SDK1: variants seen among roughly 807,000 people sequenced by gnomAD.
The protein encoded by SDK1 is sidekick cell adhesion molecule 1, also known as protein sidekick-1.
In SDK1, 157 loss-of-function variants were observed where a neutral mutation model predicts 245.5. The ratio of observed to expected loss-of-function variants is 0.64; its 90% CI spans 0.56 to 0.73. The LOEUF (loss-of-function observed/expected upper bound fraction) is 0.73, where lower values mean the gene tolerates loss of function less well. Among genes scored for constraint, SDK1 ranks in the 30% least tolerant of loss-of-function variants. The pLI, the probability that SDK1 is intolerant of heterozygous loss-of-function variation, is 0.00. For synonymous variants in SDK1, 1,647 were observed against 1,278.5 expected, an observed-to-expected ratio of 1.29 and a Z score of -6.15; for missense variants, 3,583 against 3,002.3, an observed-to-expected ratio of 1.19 and a Z score of -4.52.
intron 5 of SDK1, among the ~76,000 whole-genome samples, chr7:3,866,855 G>A (rs1780834491): frequency 6.6e-6 from 1 of 152,176 alleles, no homozygotes; most frequent in Admixed American, 6.5e-5. Context: ...CCAGGCTGAA[G>A]AGTTTGACCT....
At chr7:4,203,105 A>G (rs534403795) in intron 35 of SDK1, among the ~76,000 whole-genome samples, 86 of 152,348 alleles carry the variant, frequency 5.6e-4, no homozygotes, top group Non-Finnish European at 1.1e-3. Context: ...TGCAGCCTCC[A>G]GCCCACCCCT....
chr7:3,753,373 G>A (rs1779829668), intron 4 of SDK1, among the ~76,000 whole-genome samples: 1 of 152,170 alleles, frequency 6.6e-6, no homozygotes, highest in Non-Finnish European at 1.5e-5. Flanking sequence ...ATGCAAGCAT[G>A]CAGGTTTCCT....
rs149166097 is a variant in SDK1, at chr7:4,056,369, C to T, written c.2911+4539C>T. On this transcript the variant is annotated intron_variant, in intron 19 of 44. Coordinates refer to ENST00000404826, the MANE Select transcript of SDK1 (RefSeq NM_152744.4). ...GCTTCAGGGGCCAGCTGACCACAGT[C>T]ACCTGGTACTGGCCTCCTTCATAAA... 2.0e-3 allele frequency among the ~76,000 whole-genome samples: 310 copies of T among 152,208 alleles called. 5 individuals carry two copies. In the South Asian group the frequency reaches 0.03, roughly 15 times the overall value.
At chr7:3,452,709 A>C (rs1466194754) in intron 1 of SDK1, among the ~76,000 whole-genome samples, 2 of 152,148 alleles carry the variant, frequency 1.3e-5, no homozygotes, top group East Asian at 3.9e-4. Context: ...AAGGAAATAT[A>C]CATAGTCATT....
At chr7:3,790,272 C>G (rs1169013107) in intron 4 of SDK1, among the ~76,000 whole-genome samples, 1 of 152,136 alleles carries the variant, frequency 6.6e-6, no homozygotes, top group African/African-American at 2.4e-5. Flanking sequence ...ATATTTATAT[C>G]TGAAAACAGA....
At chr7:4,261,668 G>T (rs933097277) in intron 44 of SDK1, among the ~76,000 whole-genome samples, 1 of 152,178 alleles carries the variant, frequency 6.6e-6, no homozygotes, top group African/African-American at 2.4e-5. Flanking sequence ...CCAGGAATCT[G>T]CTGCCTCGAT....
Position 3,967,395 on chromosome 7 carries a change from G to T in SDK1, c.1507G>T (p.Val503Leu). Residue 503 changes from valine (V) to leucine (L), a missense_variant, in exon 10 of 45, where the codon GTG (valine) becomes TTG (leucine). Coordinates refer to ENST00000404826, the MANE Select transcript of SDK1 (RefSeq NM_152744.4). ...GATGACAGCCATTCTAAGGTGTGAG[G>T]TGTCCGGGGCTCCCAAACCCGCCAT... ...DGMTAILRCE[V>L]SGAPKPAITW... The T allele has an allele frequency of 6.2e-7, 1 of 1,614,150 alleles. No homozygotes were observed. The highest frequency in any genetic ancestry group is 1.7e-4 in the Middle Eastern group (1 of 6,050).
At chr7:3,592,456 C>T (rs1028282476) in intron 1 of SDK1, among the ~76,000 whole-genome samples, 1 of 152,240 alleles carries the variant, frequency 6.6e-6, no homozygotes, top group African/African-American at 2.4e-5. Context: ...AGATAATTAT[C>T]ACTCTGCTCA....
intron 4 of SDK1, among the ~76,000 whole-genome samples, chr7:3,797,346 C>CT (rs1196697561): frequency 6.6e-6 from 1 of 150,970 alleles, no homozygotes; most frequent in African/African-American, 2.4e-5. Flanking sequence ...TTCACCTTTT[C>CT]TTTTTTTCTC....
rs1028690110 is a variant in SDK1, at chr7:3,570,933, A to G, written c.299-48147A>G. On this transcript the variant is annotated intron_variant, in intron 1 of 44. Coordinates refer to ENST00000404826, the MANE Select transcript of SDK1 (RefSeq NM_152744.4). ...TTAATCCAGGGTGATTTATGTGTTT[A>G]TGCATGAATTTTTCTGTCAGAATAT... Among the ~76,000 whole-genome samples the G allele has an allele frequency of 1.1e-4, 16 of 152,044 alleles. 1 individual carries two copies. Among genetic ancestry groups the G allele is most frequent in the Non-Finnish European group, 1.5e-5 (1 of 67,938 alleles).
At position 3,629,193 on chromosome 7, in the gene SDK1, C is replaced by T. The variant is rs11977489; in HGVS notation, c.459-9811C>T. Among the ~76,000 whole-genome samples, 622 of 150,430 alleles carry T rather than the reference C, an allele frequency of 4.1e-3. 7 individuals are homozygous for T. The highest frequency in any genetic ancestry group is 0.014 in the African/African-American group (577 of 40,868). ...GCGGGCGCCTGTAGTCCCATCTACT[C>T]GGGAGGCTGAGGCAGGAGAATGGTG... On this transcript the variant is annotated intron_variant, in intron 2 of 44. Coordinates refer to ENST00000404826, the MANE Select transcript of SDK1 (RefSeq NM_152744.4).
chr7:3,538,527 C>A lies in SDK1; in HGVS notation c.299-80553C>A, dbSNP rs953029174. ...CAACACTTGCCTGTTTCCCTGTCAG[C>A]AAATTATCCTTATTTATGCTTAAGG... On this transcript the variant is annotated intron_variant, in intron 1 of 44. Transcript: ENST00000404826. Among the ~76,000 whole-genome samples, 12 of 152,212 alleles carry A rather than the reference C, an allele frequency of 7.9e-5. 1 individual carries two copies. Among genetic ancestry groups the A allele is most frequent in the Admixed American group, 2.6e-4 (4 of 15,284 alleles).
At chr7:3,743,847 C>G (rs1444694660) in intron 4 of SDK1, among the ~76,000 whole-genome samples, 1 of 152,124 alleles carries the variant, frequency 6.6e-6, no homozygotes, top group Admixed American at 6.5e-5. Flanking sequence ...TTACTGGCCA[C>G]AAGTTAGCAG....
At chr7:3,576,607 A>G (rs1780300012) in intron 1 of SDK1, among the ~76,000 whole-genome samples, 2 of 152,018 alleles carry the variant, frequency 1.3e-5, no homozygotes, top group Admixed American at 1.3e-4. Flanking sequence ...ATTTCCTAGA[A>G]AAATGTAAGT....
At chr7:3,791,471 C>G (rs966067892) in intron 4 of SDK1, among the ~76,000 whole-genome samples, 11 of 152,190 alleles carry the variant, frequency 7.2e-5, no homozygotes, top group African/African-American at 2.7e-4. Context: ...AAGGTTCCCT[C>G]AGGGTCATCA....
chr7:3,754,712 A>C (rs537375093), intron 4 of SDK1, among the ~76,000 whole-genome samples: 3 of 152,288 alleles, frequency 2.0e-5, no homozygotes, highest in African/African-American at 7.2e-5. Flanking sequence ...CTCCCTTGTC[A>C]GTGGTAACAA....
At chr7:3,549,641 T>C (rs1055570619) in intron 1 of SDK1, among the ~76,000 whole-genome samples, 8 of 152,196 alleles carry the variant, frequency 5.3e-5, no homozygotes, top group Non-Finnish European at 8.8e-5. Flanking sequence ...TTGTTTTTTT[T>C]CCCTACTTTT....
rs7807723 is a variant in SDK1 at position 4,034,034 on chromosome 7, G to T, written c.2603-15314G>T. On this transcript the variant is annotated intron_variant, in intron 17 of 44. Transcript: ENST00000404826. ...TGCAGTTAGCACCACCAGTAATGGG[G>T]CACCTCAGAACTGTGTACCACTGGA... Among the ~76,000 whole-genome samples, 441 of 152,294 alleles carry T rather than the reference G, an allele frequency of 2.9e-3. 7 individuals carry two copies. The highest frequency in any genetic ancestry group is 0.01 in the African/African-American group (430 of 41,560).
chr7:3,613,195 C>T (rs1033077667), intron 1 of SDK1, among the ~76,000 whole-genome samples: 7 of 152,054 alleles, frequency 4.6e-5, no homozygotes, highest in East Asian at 1.9e-4. Flanking sequence ...CGCAAGACCC[C>T]CTTTCTTGAT....
Sources: allele counts gnomAD v4.1 joint callset (sites outside exome capture counted in the v4.1 genomes callset), GRCh38; gene constraint gnomAD v4.1.1; transcripts MANE v1.5; gene names NCBI Gene and HGNC (gene_info 2026-07-23, HGNC 2026-07-21).